CREBBP: variants seen among roughly 807,000 people sequenced by gnomAD.
The protein encoded by CREBBP is CREB binding lysine acetyltransferase.
In CREBBP, 19 loss-of-function variants were observed where a neutral mutation model predicts 265.0. That is an observed-to-expected ratio of 0.07 (90% CI 0.05 to 0.11). The LOEUF (loss-of-function observed/expected upper bound fraction) is 0.11. Among genes scored for constraint, CREBBP ranks in the 10% least tolerant of loss-of-function variants. CREBBP has a pLI of 1.00. For synonymous variants in CREBBP, 1,457 were observed against 1,223.7 expected (o/e 1.19, Z -3.98); for missense variants, 2,525 against 3,219.0 (o/e 0.78, Z 5.22).
At chr16:3,776,216 C>G (rs2053134960) in intron 11 of CREBBP, among the ~76,000 whole-genome samples, 1 of 152,118 alleles carries the variant, frequency 6.6e-6, no homozygotes, top group Non-Finnish European at 1.5e-5. Context: ...CTGTGCCCAG[C>G]CTGACTCCTT....
At position 3,729,272 on chromosome 16, in the gene CREBBP, G is replaced by T. The variant is rs2151308346; in HGVS notation, c.5775C>A (p.Ala1925=). 6.5e-7 allele frequency: 1 copy of T among 1,531,606 alleles called. No individual in the cohort carries two copies. Among genetic ancestry groups the T allele is most frequent in the Non-Finnish European group, 8.7e-7 (1 of 1,143,544 alleles). The allele number at this position is 1,531,606 out of a possible 1,614,324, so 94.9% of individuals were successfully genotyped here. Reference sequence around the variant, plus strand: ...ACACCGTGGTGGGGGGCTGAGTCCGGGCCACGCTGGGGAAGCCAGCTGGTG... The same window carrying T: ...ACACCGTGGTGGGGGGCTGAGTCCGTGCCACGCTGGGGAAGCCAGCTGGTG... The part of the protein sequence containing the change: ...SMSPAGFPSV[A]RTQPPTTVST... The change falls in exon 31 of 31, where the codon GCC becomes GCA. Residue 1925 remains alanine (A), a synonymous_variant. Coordinates refer to ENST00000262367, the MANE Select transcript of CREBBP (RefSeq NM_004380.3).
At chr16:3,872,980 C>G (rs113343195) in intron 1 of CREBBP, among the ~76,000 whole-genome samples, 73 of 152,298 alleles carry the variant, frequency 4.8e-4, no homozygotes, top group African/African-American at 6.7e-4. Context: ...GTAAATGAAG[C>G]CTTATTCAGA....
chr16:3,861,758 CTT>C (rs200213588), intron 1 of CREBBP, among the ~76,000 whole-genome samples: 50 of 136,794 alleles, frequency 3.7e-4, no homozygotes, highest in African/African-American at 5.1e-4. Context: ...AGACATCTAA[CTT>C]TTTTTTTTTT....
At position 3,728,569 on chromosome 16, in the gene CREBBP, C is replaced by T. The variant is rs1213106224; in HGVS notation, c.6478G>A (p.Ala2160Thr). ...PRPGVPPQQQ[A>T]MGGLNPQGQA... ...CCCTGGGGGTTCAGGCCTCCCATCG[C>T]CTGCTGCTGTGGAGGCACACCGGGC... is the stretch of plus-strand genomic sequence containing the variant. Residue 2160 changes from alanine to threonine, a missense_variant, in exon 31 of 31, where the codon GCG (alanine) becomes ACG (threonine). Around this residue, in one of 19 missense-constraint regions of CREBBP, gnomAD observed 473 missense variants for 459.3 expected, o/e 1.03. Coordinates refer to ENST00000262367, the MANE Select transcript of CREBBP (RefSeq NM_004380.3). This position sits in a 1 kb window ranked among gnomAD's most constrained non-coding sequence, Gnocchi z 8.7. 3 of 1,614,006 alleles carry T rather than the reference C, an allele frequency of 1.9e-6. No homozygotes were observed. The highest frequency in any genetic ancestry group is 1.6e-4 in the Middle Eastern group (1 of 6,062).
rs541773227 is a variant in CREBBP at position 3,773,976 on chromosome 16, G to T, written c.2284-46C>A. 20 of 1,603,562 alleles carry T rather than the reference G, an allele frequency of 1.2e-5. No homozygotes were observed. The African/African-American group carries it at 2.1e-4, about 17-fold the overall frequency. On this transcript the variant is annotated intron_variant, in intron 12 of 30. Transcript: ENST00000262367. ...CCAGAGCTGTAGTTCGGAAGCTGAC[G>T]GCCAGAGTTTTCAAGGTGAGCCAGA...
intron 2 of CREBBP, among the ~76,000 whole-genome samples, chr16:3,812,001 C>T (rs921616223): frequency 1.3e-5 from 2 of 152,014 alleles, no homozygotes; most frequent in Admixed American, 1.3e-4. Context: ...GGGTCAGCAC[C>T]CTTAACCCCT....
At chr16:3,819,741 G>C (rs1202964261) in intron 2 of CREBBP, among the ~76,000 whole-genome samples, 1 of 152,086 alleles carries the variant, frequency 6.6e-6, no homozygotes, top group Non-Finnish European at 1.5e-5. Flanking sequence ...AATAAACTCA[G>C]GGTGTTTATT....
At chr16:3,800,510 T>C (rs1021035300) in intron 3 of CREBBP, among the ~76,000 whole-genome samples, 4 of 152,260 alleles carry the variant, frequency 2.6e-5, no homozygotes, top group Admixed American at 6.5e-5. Context: ...TTTCCCAATT[T>C]TTCCAAAATT....
chr16:3,799,473 C>A (rs151071638), intron 3 of CREBBP, among the ~76,000 whole-genome samples: 1 of 152,206 alleles, frequency 6.6e-6, no homozygotes, highest in African/African-American at 2.4e-5. Flanking sequence ...CTCAAGTACT[C>A]TGGCAATTCG....
chr16:3,870,391 T>C (rs2055269120), intron 1 of CREBBP, among the ~76,000 whole-genome samples: 1 of 152,228 alleles, frequency 6.6e-6, no homozygotes, highest in Admixed American at 6.5e-5. Flanking sequence ...CTGTTTTCAA[T>C]AAAATACTAT....
rs781434722 is a variant in CREBBP, at chr16:3,728,587, C to T, written c.6460G>A (p.Val2154Met). 1.9e-6 allele frequency: 3 copies of T among 1,613,784 alleles called. No homozygotes were observed. The highest frequency in any genetic ancestry group is 1.1e-5 in the South Asian group (1 of 91,088). The part of the protein sequence containing the change: ...AMQAGVPRPG[V>M]PPQQQAMGGL... The stretch of plus-strand genomic sequence containing the variant: ...CCCATCGCCTGCTGCTGTGGAGGCA[C>T]ACCGGGCCGCGGCACGCCAGCCTGC... Residue 2154 changes from valine to methionine, a missense_variant, in exon 31 of 31, where the codon GTG (valine) becomes ATG (methionine). This residue lies in a region of CREBBP where 473 missense variants were observed against 459.3 expected (regional missense o/e 1.03). Transcript: ENST00000262367. The surrounding 1 kb of genome is among the most constrained non-coding windows in gnomAD (Gnocchi z 8.7).
chr16:3,845,212 G>T (rs1387136979), intron 2 of CREBBP, among the ~76,000 whole-genome samples: 1 of 152,180 alleles, frequency 6.6e-6, no homozygotes, highest in Non-Finnish European at 1.5e-5. Flanking sequence ...CAATTGCTCT[G>T]TAGTGGGGTT....
chr16:3,746,359 A>AAC (rs1290042737), intron 21 of CREBBP, among the ~76,000 whole-genome samples: 3 of 151,552 alleles, frequency 2.0e-5, no homozygotes, highest in South Asian at 2.1e-4. Context: ...TGAAAAAAAA[A>AAC]ACACACACAC....
At position 3,852,035 on chromosome 16, in the gene CREBBP, C is replaced by CA. The variant is rs551018184; in HGVS notation, c.86-1027dup. On this transcript the variant is annotated intron_variant, in intron 1 of 30. Transcript: ENST00000262367. Reference sequence around the variant, plus strand: ...CCTGGGCAACAGCGAGACTCCATCTCAAAAAAAAAAAAAAAAAAAAAAAAA... The same window carrying CA: ...CCTGGGCAACAGCGAGACTCCATCTCAAAAAAAAAAAAAAAAAAAAAAAAAA... 3.0e-3 allele frequency among the ~76,000 whole-genome samples: 34 copies of CA among 11,200 alleles called. 11 individuals carry two copies. The highest frequency in any genetic ancestry group is 6.9e-3 in the Admixed American group (3 of 434). The allele number at this position is 11,200 out of a possible 152,430, so 7.3% of individuals were successfully genotyped here. A position where few individuals can be genotyped will look rare whatever the true frequency, so the allele number is the denominator to read the frequency against.
chr16:3,843,599 T>C (rs1187742449), intron 2 of CREBBP, among the ~76,000 whole-genome samples: 1 of 151,960 alleles, frequency 6.6e-6, no homozygotes, highest in Non-Finnish European at 1.5e-5. Context: ...TCTTAAATTT[T>C]TTTTAAAGAT....
intron 2 of CREBBP, chr16:3,841,093 A>G (rs931151439): frequency 6.5e-6 from 1 of 154,456 alleles, no homozygotes; most frequent in Non-Finnish European, 1.5e-5. Context: ...ACAATAGACT[A>G]TATATCAAAA....
At position 3,850,507 on chromosome 16, in the gene CREBBP, G is replaced by C. The variant is rs374787629; in HGVS notation, c.588C>G (p.Ser196Arg). ...PGLLNSNSGH[S>R]LINQASQGQA... ...GCCCTTGTGAAGCCTGATTAATTAA[G>C]CTATGGCCAGAGTTACTATTGAGGA... The change falls in exon 2 of 31, where the codon AGC becomes AGG. Residue 196 changes from serine (S) to arginine (R), a missense_variant. By Grantham distance (110) the Ser-to-Arg change is moderately radical. Coordinates refer to ENST00000262367, the MANE Select transcript of CREBBP (RefSeq NM_004380.3). The C allele has an allele frequency of 6.2e-7, 1 of 1,614,248 alleles. No homozygotes were observed. Among genetic ancestry groups the C allele is most frequent in the Non-Finnish European group, 8.5e-7 (1 of 1,180,048 alleles).
rs2283480 is a variant in CREBBP at position 3,819,363 on chromosome 16, T to C, written c.799-8584A>G. 4.5e-3 allele frequency among the ~76,000 whole-genome samples: 690 copies of C among 152,330 alleles called. 36 individuals carry two copies. The East Asian group carries it at 0.12, about 27-fold the overall frequency. On this transcript the variant is annotated intron_variant, in intron 2 of 30. Transcript: ENST00000262367. ...AAACAAGTTCCTATATGCGAAGCAC[T>C]AAGATGAGCAGCTGCGACAGTGAGT... is the stretch of plus-strand genomic sequence containing the variant.
At chr16:3,820,412 A>G (rs2054119402) in intron 2 of CREBBP, among the ~76,000 whole-genome samples, 1 of 152,240 alleles carries the variant, frequency 6.6e-6, no homozygotes, top group South Asian at 2.1e-4. Flanking sequence ...GCACCTGGGC[A>G]GGTGAACAGC....
Sources: gnomAD v4.1 joint callset for allele counts (sites outside exome capture counted in the v4.1 genomes callset) on GRCh38, gnomAD v4.1.1 for gene constraint, gnomAD v4.1.1 regional missense constraint, Gnocchi (gnomAD v3.1) non-coding constraint, MANE v1.5 for transcripts, NCBI Gene and HGNC (gene_info 2026-07-23, HGNC 2026-07-21) for gene names.